The following FRY variants were observed in gnomAD, a reference collection of about 807,000 sequenced individuals.
FRY encodes protein furry homolog.
In FRY, 128 loss-of-function variants were observed where a neutral mutation model predicts 348.4. The observed-to-expected ratio is 0.37, with a 90% CI of 0.32 to 0.43. The LOEUF is 0.43. FRY is among the 20% of genes least tolerant of loss of function. FRY has a pLI of 1.00. For synonymous variants in FRY, 1,370 were observed against 1,374.7 expected (o/e 1.00, Z 0.08); for missense variants, 2,736 against 3,695.2 (o/e 0.74, Z 6.73).
chr13:32,259,484 GTGCCT>G (rs1887516691), intron 51 of FRY, among the ~76,000 whole-genome samples: 1 of 152,200 alleles, frequency 6.6e-6, no homozygotes, highest in Non-Finnish European at 1.5e-5. Flanking sequence ...GCAGTGACCT[GTGCCT>G]GGTATAGCCT....
intron 1 of FRY, among the ~76,000 whole-genome samples, chr13:32,060,149 T>C (rs536195662): frequency 3.9e-5 from 6 of 152,350 alleles, no homozygotes; most frequent in African/African-American, 1.4e-4. Flanking sequence ...TCTTCACAGC[T>C]GAAATAAATT....
chr13:32,061,821 T>C (rs1202207054), intron 1 of FRY, among the ~76,000 whole-genome samples: 2 of 152,146 alleles, frequency 1.3e-5, no homozygotes, highest in Non-Finnish European at 2.9e-5. Flanking sequence ...AACATAACAT[T>C]TTAAGCAATA....
intron 20 of FRY, among the ~76,000 whole-genome samples, 176 bp from the exon 21 acceptor site, chr13:32,178,001 G>A (rs1882473171): frequency 6.6e-6 from 1 of 152,210 alleles, no homozygotes; most frequent in African/African-American, 2.4e-5. Context: ...TAGGAAGACT[G>A]ATGACCACAC....
rs746124126 is a variant in FRY at position 32,147,885 on chromosome 13, G to A, written c.1330G>A (p.Gly444Ser). ...ITTLFPKGSR[G>S]VVPRDMPLNI... ...AACACTTTTCCCCAAAGGGTCCCGC[G>A]GTGTGGTACCAAGGGACATGCCTCT... Residue 444 changes from glycine to serine, a missense_variant, in exon 13 of 61, where the codon GGT becomes AGT. Gly to Ser is a moderately conservative substitution (Grantham distance 56). Transcript: ENST00000542859. 11 of 1,611,964 alleles carry A rather than the reference G, an allele frequency of 6.8e-6. No individual in the cohort carries two copies. Among genetic ancestry groups the A allele is most frequent in the Middle Eastern group, 1.7e-4 (1 of 6,054 alleles).
intron 59 of FRY, among the ~76,000 whole-genome samples, chr13:32,293,181 C>T (rs1889462332): frequency 2.0e-5 from 3 of 152,070 alleles, no homozygotes; most frequent in Admixed American, 6.6e-5. Flanking sequence ...TGGGTAGGTA[C>T]ACACACAGTG....
At chr13:32,171,333 A>C in intron 18 of FRY, 63 bp downstream of exon 18, 1 of 993,090 alleles carries the variant, frequency 1.0e-6, no homozygotes, top group Non-Finnish European at 1.4e-6. Flanking sequence ...TTTTTTTTTG[A>C]GACAGTCTTA....
Position 32,286,747 on chromosome 13 carries a change from C to CAAAAAAA in FRY, c.8470-2855_8470-2849dup, listed in dbSNP as rs6144991. Among the ~76,000 whole-genome samples the CAAAAAAA allele has an allele frequency of 1.3e-4, 10 of 77,512 alleles. 1 individual carries two copies. The highest frequency in any genetic ancestry group is 4.6e-4 in the African/African-American group (8 of 17,326). The allele number at this position is 77,512 out of a possible 152,430, so 50.9% of individuals were successfully genotyped here. On this transcript the variant is annotated intron_variant, in intron 58 of 60. Coordinates refer to ENST00000542859, the MANE Select transcript of FRY (RefSeq NM_023037.3). ...GGGGAGACAGAGCAAGACTCTGTCT[C>CAAAAAAA]AAAAAAAAAAAAAAAAAAAAAAAAA...
At chr13:32,113,606 C>A (rs1449242847) in intron 3 of FRY, among the ~76,000 whole-genome samples, 1 of 152,220 alleles carries the variant, frequency 6.6e-6, no homozygotes, top group Non-Finnish European at 1.5e-5. Flanking sequence ...CTCACTAGCT[C>A]ATCTGTGGTG....
At chr13:32,265,712 G>C (rs1481137630) in intron 54 of FRY, 96 bp downstream of exon 54, 1 of 1,243,688 alleles carries the variant, frequency 8.0e-7, no homozygotes, top group Non-Finnish European at 1.2e-6. Context: ...GCACTGCTGG[G>C]ACATCCTAAT....
At chr13:32,096,899 C>A (rs1350571695) in intron 2 of FRY, among the ~76,000 whole-genome samples, 2 of 151,686 alleles carry the variant, frequency 1.3e-5, no homozygotes, top group East Asian at 1.9e-4. Context: ...AGCATTGACC[C>A]CAAGTTCTTA....
At position 32,239,052 on chromosome 13, in the gene FRY, A is replaced by T. The variant is rs1886369395; in HGVS notation, c.6419-200A>T. On this transcript the variant is annotated intron_variant, in intron 44 of 60. Coordinates refer to ENST00000542859, the MANE Select transcript of FRY (RefSeq NM_023037.3). The surrounding 1 kb of genome is among the most constrained non-coding windows in gnomAD (Gnocchi z 4.3). ...TAATCACTGCATCTTAAAATCGCAG[A>T]TCTACTTTACTGTCTTCTTTGTAAC... Among the ~76,000 whole-genome samples, 1 of 152,194 alleles carries T rather than the reference A, an allele frequency of 6.6e-6. No individual in the cohort carries two copies. Among genetic ancestry groups the T allele is most frequent in the South Asian group, 2.1e-4 (1 of 4,834 alleles).
At chr13:32,090,748 T>A (rs2138584702) in intron 2 of FRY, among the ~76,000 whole-genome samples, 1 of 152,316 alleles carries the variant, frequency 6.6e-6, no homozygotes, top group Admixed American at 6.5e-5. Flanking sequence ...CTATGAGAGC[T>A]GCTCTTTTGT....
chr13:32,272,035 ACCT>A, intron 55 of FRY, among the ~76,000 whole-genome samples: 1 of 152,240 alleles, frequency 6.6e-6, no homozygotes, highest in African/African-American at 2.4e-5. Flanking sequence ...TAAAATGCAT[ACCT>A]CCTATTTTGC....
chr13:32,096,988 A>T (rs1348917340), intron 2 of FRY, among the ~76,000 whole-genome samples: 1 of 152,082 alleles, frequency 6.6e-6, no homozygotes, highest in African/African-American at 2.4e-5. Flanking sequence ...AGTGAGCCTG[A>T]CAATATGTTG....
At chr13:32,061,276 A>T in intron 1 of FRY, 1 of 455,310 alleles carries the variant, frequency 2.2e-6, no homozygotes, top group South Asian at 1.6e-5. Context: ...TAGCAGTTGC[A>T]TCTGCCTGCA....
chr13:32,041,418 C>T lies in FRY; in HGVS notation c.70+9553C>T, dbSNP rs1250978550. 4.6e-5 allele frequency among the ~76,000 whole-genome samples: 7 copies of T among 151,396 alleles called. No homozygotes were observed. The East Asian group carries it at 7.8e-4, about 17-fold the overall frequency. On this transcript the variant is annotated intron_variant, in intron 1 of 60. Transcript: ENST00000542859. Reference sequence around the variant, plus strand: ...AAGCAATTCTTCTGCCTTAGCCTCCCGAGTAGCTGGGATTACAGGTGCCCG... The same window carrying T: ...AAGCAATTCTTCTGCCTTAGCCTCCTGAGTAGCTGGGATTACAGGTGCCCG...
At chr13:32,286,376 T>A (rs1269052375) in intron 58 of FRY, among the ~76,000 whole-genome samples, 1 of 152,150 alleles carries the variant, frequency 6.6e-6, no homozygotes, top group Non-Finnish European at 1.5e-5. Context: ...AAAAATACAT[T>A]CTGTCAAGTT....
At chr13:32,152,977 A>G (rs1343852337) in intron 14 of FRY, among the ~76,000 whole-genome samples, 2 of 152,162 alleles carry the variant, frequency 1.3e-5, no homozygotes, top group East Asian at 3.8e-4. Flanking sequence ...AAGAGACACA[A>G]ATGGCTAATA....
intron 1 of FRY, among the ~76,000 whole-genome samples, chr13:32,034,095 G>A (rs909282362): frequency 1.9e-4 from 29 of 152,186 alleles, no homozygotes; most frequent in African/African-American, 6.8e-4. Flanking sequence ...TGAGAGGTGA[G>A]GATGTCTGCC....
Sources: allele counts gnomAD v4.1 joint callset (sites outside exome capture counted in the v4.1 genomes callset), GRCh38; gene constraint gnomAD v4.1.1; non-coding constraint Gnocchi (gnomAD v3.1); transcripts MANE v1.5; gene names NCBI Gene and HGNC (gene_info 2026-07-23, HGNC 2026-07-21).